The following SHISA9 variants were observed in gnomAD, a reference collection of about 807,000 sequenced individuals.
SHISA9 encodes the protein shisa family member 9.
Under a neutral mutation model 38.0 loss-of-function variants are expected in SHISA9, and 13 were observed. That is an observed-to-expected ratio of 0.34 (90% CI 0.22 to 0.54). SHISA9 has a LOEUF of 0.54. Among genes scored for constraint, SHISA9 ranks in the 20% least tolerant of loss-of-function variants. The pLI, the probability that SHISA9 is intolerant of heterozygous loss-of-function variation, is 0.91. For synonymous variants in SHISA9, 275 were observed against 242.0 expected (o/e 1.14, Z -1.27); for missense variants, 538 against 575.8 (o/e 0.93, Z 0.67).
At chr16:12,909,093 A>C (rs951709962) in intron 1 of SHISA9, 5 of 988,660 alleles carry the variant, frequency 5.1e-6, no homozygotes, top group Non-Finnish European at 6.0e-6. Flanking sequence ...CCAGCTTCCC[A>C]GGCTGGAGAA....
the SHISA9 span, among the ~76,000 whole-genome samples, chr16:13,352,849 T>C: frequency 6.6e-6 from 1 of 151,850 alleles, no homozygotes; most frequent in African/African-American, 2.4e-5. Context: ...GGAAAAGGAC[T>C]TTCACAAGGT....
At chr16:13,398,502 ATTT>A in the SHISA9 span, among the ~76,000 whole-genome samples, 9 of 140,266 alleles carry the variant, frequency 6.4e-5, no homozygotes, top group Non-Finnish European at 9.3e-5. Flanking sequence ...TTTATTCACC[ATTT>A]TTTTTTTTTT....
chr16:13,146,854 A>T (rs575116074), intron 2 of SHISA9, among the ~76,000 whole-genome samples: 5 of 152,294 alleles, frequency 3.3e-5, no homozygotes, highest in South Asian at 2.1e-4. Flanking sequence ...AGTTTCAGAT[A>T]TAGATTATGG....
the SHISA9 span, among the ~76,000 whole-genome samples, chr16:13,281,731 T>G: frequency 1.3e-5 from 2 of 151,686 alleles, no homozygotes; most frequent in Non-Finnish European, 3.0e-5. Context: ...TGGAATCATA[T>G]TGTACTTTTT....
the SHISA9 span, among the ~76,000 whole-genome samples, chr16:13,278,204 G>A: frequency 5.9e-5 from 9 of 151,952 alleles, no homozygotes; most frequent in African/African-American, 1.9e-4. Flanking sequence ...TTCTGTTTAC[G>A]TGGTGTATCA....
At chr16:13,284,953 T>C in the SHISA9 span, among the ~76,000 whole-genome samples, 7 of 152,210 alleles carry the variant, frequency 4.6e-5, no homozygotes, top group African/African-American at 1.7e-4. Flanking sequence ...TCTGGATGTA[T>C]GTTACCTGTC....
In SHISA9 at chr16:13,214,376, AT is replaced by A. The variant is rs946064192; in HGVS notation, c.895+1087del. On this transcript the variant is annotated intron_variant, in intron 4 of 4. Coordinates refer to ENST00000558583, the MANE Select transcript of SHISA9 (RefSeq NM_001145204.3). ...GCCACCGTGCCCAGCTAATTTTTGA[AT>A]TTTTTTTTTTAGTAGAAACGGGGTT... 1.4e-3 allele frequency among the ~76,000 whole-genome samples: 212 copies of A among 147,742 alleles called. 1 individual carries two copies. The highest frequency in any genetic ancestry group is 4.8e-3 in the African/African-American group (193 of 40,434).
the SHISA9 span, among the ~76,000 whole-genome samples, chr16:13,472,376 A>ATTT: frequency 1.0e-3 from 116 of 113,456 alleles, no homozygotes; most frequent in African/African-American, 3.7e-3. Flanking sequence ...CGCTCTGCTA[A>ATTT]ATTTTTTTTT....
the SHISA9 span, among the ~76,000 whole-genome samples, chr16:13,516,406 G>T: frequency 6.6e-6 from 1 of 152,172 alleles, no homozygotes; most frequent in East Asian, 1.9e-4. Flanking sequence ...TACAGAAGAA[G>T]GAAAGAAGTT....
the SHISA9 span, among the ~76,000 whole-genome samples, chr16:13,313,174 G>A: frequency 1.8e-4 from 27 of 147,442 alleles, no homozygotes; most frequent in East Asian, 3.8e-3. Context: ...AGAATGGCGT[G>A]AACCCGGGAG....
the SHISA9 span, among the ~76,000 whole-genome samples, chr16:13,529,048 A>G: frequency 6.6e-6 from 1 of 152,208 alleles, no homozygotes; most frequent in African/African-American, 2.4e-5. Context: ...CCCCAGAGAA[A>G]ACCTGAAAAA....
intron 4 of SHISA9, among the ~76,000 whole-genome samples, chr16:13,217,109 A>G (rs1278697909): frequency 7.6e-6 from 1 of 130,950 alleles, no homozygotes; most frequent in Non-Finnish European, 1.6e-5. Flanking sequence ...ATCTCTACTA[A>G]AAATACAAAA....
intron 2 of SHISA9, among the ~76,000 whole-genome samples, chr16:13,059,098 CT>C (rs1226442968): frequency 7.1e-6 from 1 of 140,432 alleles, no homozygotes; most frequent in African/African-American, 2.6e-5. Context: ...TGATATTATT[CT>C]TTGCCTCTGT....
intron 2 of SHISA9, among the ~76,000 whole-genome samples, chr16:13,180,110 G>A (rs1179508787): frequency 5.3e-5 from 8 of 152,162 alleles, no homozygotes; most frequent in Non-Finnish European, 1.0e-4. Context: ...AGTCAGGTCT[G>A]GACATTTACA....
chr16:12,930,233 A>G (rs933543002), intron 2 of SHISA9, among the ~76,000 whole-genome samples: 1 of 152,234 alleles, frequency 6.6e-6, no homozygotes, highest in African/African-American at 2.4e-5. Flanking sequence ...TGCTGTCAAC[A>G]TACAATACTG....
chr16:13,404,351 C>T, the SHISA9 span, among the ~76,000 whole-genome samples: 45 of 152,256 alleles, frequency 3.0e-4, no homozygotes, highest in African/African-American at 1.1e-3. Context: ...TGAAAGTTTT[C>T]AATGCTTTGA....
At chr16:13,545,807 C>T in the SHISA9 span, among the ~76,000 whole-genome samples, 1 of 152,176 alleles carries the variant, frequency 6.6e-6, no homozygotes, top group Admixed American at 6.5e-5. Flanking sequence ...CGATCCGCTT[C>T]TACTATCACA....
intron 2 of SHISA9, among the ~76,000 whole-genome samples, chr16:13,167,394 C>T (rs1374857884): frequency 6.6e-6 from 1 of 152,176 alleles, no homozygotes; most frequent in African/African-American, 2.4e-5. Context: ...TTCTCAGCCA[C>T]ATTTGGCACA....
intron 2 of SHISA9, among the ~76,000 whole-genome samples, chr16:12,931,722 C>A (rs1374905562): frequency 6.6e-6 from 1 of 152,140 alleles, no homozygotes; most frequent in Non-Finnish European, 1.5e-5. Context: ...CATGTCTTTG[C>A]TATTGTGAAT....
Sources: allele counts gnomAD v4.1 joint callset (sites outside exome capture counted in the v4.1 genomes callset), GRCh38; gene constraint gnomAD v4.1.1; transcripts MANE v1.5; gene names NCBI Gene and HGNC (gene_info 2026-07-23, HGNC 2026-07-21).